MTMR14: variants seen among roughly 807,000 people sequenced by gnomAD.
MTMR14 encodes phosphatidylinositol-3,5-bisphosphate 3-phosphatase MTMR14.
Under a neutral mutation model 86.3 loss-of-function variants are expected in MTMR14, and 48 were observed. The observed-to-expected ratio is 0.56, with a 90% CI of 0.44 to 0.71. The LOEUF is 0.71. MTMR14 is among the 30% of genes least tolerant of loss of function. The pLI is 0.00. For missense variants in MTMR14, 780 were observed against 834.6 expected, an observed-to-expected ratio of 0.93 and a Z score of 0.81; for synonymous variants, 366 against 326.1, an observed-to-expected ratio of 1.12 and a Z score of -1.32.
intron 11 of MTMR14, 33 bp from the exon 12 acceptor site, chr3:9,684,855 G>A: frequency 6.2e-7 from 1 of 1,608,496 alleles, no homozygotes; most frequent in Non-Finnish European, 8.5e-7. Flanking sequence ...GATGAGAAGA[G>A]GGCTCTGTCA....
At chr3:9,659,860 C>T (rs573879864) in intron 2 of MTMR14, 23 of 456,486 alleles carry the variant, frequency 5.0e-5, no homozygotes, top group Non-Finnish European at 7.9e-5. Flanking sequence ...CTGATGTGTC[C>T]TCCACCAGGG....
rs748986636 is a variant in MTMR14 at position 9,688,768 on chromosome 3, C to T, written c.1294+14C>T. On this transcript the variant is annotated intron_variant, in intron 15 of 18. Transcript: ENST00000296003. ...TCTGCATGCTGAGTGAGTCCTGGGC[C>T]CCAACAGACTTCCCTTCCTCCATAC... The T allele has an allele frequency of 1.2e-6, 2 of 1,614,074 alleles. No individual in the cohort carries two copies. Among genetic ancestry groups the T allele is most frequent in the South Asian group, 2.2e-5 (2 of 91,074 alleles).
At position 9,653,725 on chromosome 3, in the gene MTMR14, C is replaced by T; in HGVS notation, c.264C>T (p.His88=). Residue 88 remains histidine, a synonymous_variant, in exon 2 of 19, where the codon CAC becomes CAT. Coordinates refer to ENST00000296003, the MANE Select transcript of MTMR14 (RefSeq NM_001077525.3). ...ATATCTGTGGCCACTATCCCCGGCA[C>T]ATCGTGTTCCTGGAGTATGAGAGTT... ...NGDICGHYPR[H]IVFLEYESSE... 2 of 1,614,172 alleles carry T rather than the reference C, an allele frequency of 1.2e-6. No homozygotes were observed. Among genetic ancestry groups the T allele is most frequent in the Non-Finnish European group, 1.7e-6 (2 of 1,180,042 alleles).
intron 2 of MTMR14, among the ~76,000 whole-genome samples, chr3:9,655,461 CTTTTTT>C (rs779901219): frequency 1.7e-5 from 1 of 59,320 alleles, no homozygotes. Flanking sequence ...CCCTTGATGT[CTTTTTT>C]TTTTTTTTTT....
intron 18 of MTMR14, chr3:9,700,572 A>T (rs1245438743): frequency 2.0e-5 from 3 of 152,214 alleles, no homozygotes; most frequent in Non-Finnish European, 4.4e-5. Flanking sequence ...TTCATCTGTG[A>T]TCAGAGCCTA....
At chr3:9,673,164 G>A (rs913993162) in intron 7 of MTMR14, among the ~76,000 whole-genome samples, 15 of 152,350 alleles carry the variant, frequency 9.8e-5, no homozygotes, top group African/African-American at 2.6e-4. Context: ...ACTTGCTGCT[G>A]TAGCCTGAGT....
chr3:9,686,195 G>A (rs2075947555), intron 13 of MTMR14, among the ~76,000 whole-genome samples: 2 of 152,202 alleles, frequency 1.3e-5, no homozygotes, highest in African/African-American at 4.8e-5. Context: ...CAGGGCTGTA[G>A]AGCTCTAAGC....
chr3:9,675,406 T>G, intron 7 of MTMR14: 1 of 278,118 alleles, frequency 3.6e-6, no homozygotes, highest in Non-Finnish European at 7.4e-6. Context: ...TGCACTTTGA[T>G]GCTATTTAAG....
At position 9,684,917 on chromosome 3, in the gene MTMR14, C is replaced by G. The variant is rs373100286; in HGVS notation, c.1080C>G (p.Pro360=). 6.2e-7 allele frequency: 1 copy of G among 1,614,166 alleles called. No homozygotes were observed. Among genetic ancestry groups the G allele is most frequent in the Non-Finnish European group, 8.5e-7 (1 of 1,180,030 alleles). Residue 360 remains proline (P), a synonymous_variant, in exon 12 of 19, where the codon CCC becomes CCG. Transcript: ENST00000296003. ...GGCTCATCCACACGTCCCTGAAGCC[C>G]ACTGAGATCCTCTACCTCACTGTGG... The part of the protein sequence containing the change: ...ADGLIHTSLK[P]TEILYLTVAY...
intron 3 of MTMR14, among the ~76,000 whole-genome samples, chr3:9,663,887 C>T (rs1056963917): frequency 1.3e-5 from 2 of 151,484 alleles, no homozygotes; most frequent in Non-Finnish European, 2.9e-5. Context: ...CTCCCGGGTT[C>T]AAGCAATTCT....
rs752820960 is a variant in MTMR14 at position 9,662,416 on chromosome 3, C to T, written c.417+41C>T. On this transcript the variant is annotated intron_variant, in intron 3 of 18. Transcript: ENST00000296003. ...TAGCTTCATGCTCCACGACTCTCTT[C>T]TGGGGTAGCTGACTTACTGCAAAGT... The T allele has an allele frequency of 3.2e-6, 5 of 1,539,150 alleles. No homozygotes were observed. In the South Asian group the frequency reaches 5.6e-5, roughly 17 times the overall value.
intron 16 of MTMR14, 138 bp downstream of exon 16, chr3:9,689,220 T>C: frequency 7.5e-7 from 1 of 1,341,668 alleles, no homozygotes; most frequent in Non-Finnish European, 1.0e-6. Flanking sequence ...GCTCCTGCTG[T>C]CTCTACTGGG....
chr3:9,675,574 C>T (rs576593132), intron 7 of MTMR14: 3 of 457,180 alleles, frequency 6.6e-6, no homozygotes, highest in Non-Finnish European at 1.3e-5. Flanking sequence ...AATTCTGCAG[C>T]ACAAATCTAA....
intron 13 of MTMR14, among the ~76,000 whole-genome samples, chr3:9,687,331 G>A (rs1425778385): frequency 1.3e-5 from 2 of 152,118 alleles, no homozygotes; most frequent in Non-Finnish European, 2.9e-5. Context: ...TGAGGCGGGC[G>A]GGTCATGAGG....
chr3:9,691,184 G>A (rs2076128113), intron 17 of MTMR14, among the ~76,000 whole-genome samples: 1 of 152,216 alleles, frequency 6.6e-6, no homozygotes, highest in Non-Finnish European at 1.5e-5. Flanking sequence ...GGCCCCATGT[G>A]CTCACCCCTG....
At chr3:9,672,785 C>T (rs753663248) in intron 7 of MTMR14, 27 bp downstream of exon 7, 1 of 1,605,912 alleles carries the variant, frequency 6.2e-7, no homozygotes. Flanking sequence ...TAGTGGCAGG[C>T]ATCCTAGGAC....
At chr3:9,683,410 A>G in intron 10 of MTMR14, 166 bp downstream of exon 10, 2 of 670,556 alleles carry the variant, frequency 3.0e-6, no homozygotes, top group South Asian at 3.5e-5. Flanking sequence ...GGATTTGTCC[A>G]TTGGTGGCTT....
chr3:9,696,738 A>G (rs754382424), intron 17 of MTMR14, among the ~76,000 whole-genome samples: 3 of 151,900 alleles, frequency 2.0e-5, no homozygotes, highest in Non-Finnish European at 4.4e-5. Context: ...GGCAGTGAAC[A>G]TTTTTCTCCA....
intron 9 of MTMR14, among the ~76,000 whole-genome samples, chr3:9,681,023 G>T (rs1472671497): frequency 2.0e-5 from 3 of 152,182 alleles, no homozygotes; most frequent in Non-Finnish European, 4.4e-5. Flanking sequence ...TGGTTACACA[G>T]CATCCTAGAG....
Sources: allele counts gnomAD v4.1 joint callset (sites outside exome capture counted in the v4.1 genomes callset), GRCh38; gene constraint gnomAD v4.1.1; transcripts MANE v1.5; gene names NCBI Gene and HGNC (gene_info 2026-07-23, HGNC 2026-07-21).